Variants in TBC1D22A observed in about 807,000 individuals in gnomAD.
TBC1D22A encodes putative GTPase activator.
In TBC1D22A, 38 loss-of-function variants were observed where a neutral mutation model predicts 60.2. The ratio of observed to expected loss-of-function variants is 0.63; its 90% CI spans 0.49 to 0.83. TBC1D22A has a LOEUF of 0.83. TBC1D22A is among the 40% of genes least tolerant of loss of function. The pLI is 0.00. For missense variants in TBC1D22A, 628 were observed against 701.0 expected (o/e 0.90, Z 1.18); for synonymous variants, 302 against 281.7 (o/e 1.07, Z -0.72).
intron 11 of TBC1D22A, among the ~76,000 whole-genome samples, chr22:47,062,504 C>T (rs1482465409): frequency 6.6e-6 from 1 of 152,164 alleles, no homozygotes; most frequent in Non-Finnish European, 1.5e-5. Flanking sequence ...TTCCAGAATA[C>T]GGTGCATGGT....
chr22:46,931,096 C>T (rs1019111661), intron 8 of TBC1D22A, among the ~76,000 whole-genome samples: 2 of 152,182 alleles, frequency 1.3e-5, no homozygotes, highest in African/African-American at 4.8e-5. Flanking sequence ...TTGGAAGTCG[C>T]TGTCTCAGAG....
chr22:46,831,148 C>A (rs1431156887), intron 4 of TBC1D22A, among the ~76,000 whole-genome samples: 10 of 152,118 alleles, frequency 6.6e-5, no homozygotes, highest in Non-Finnish European at 1.5e-5. Context: ...ACGAAATCAC[C>A]CAGTGGGCTC....
In TBC1D22A at chr22:47,127,229, CTT is replaced by C. The variant is rs66495419; in HGVS notation, c.1425+15641_1425+15642del. On this transcript the variant is annotated intron_variant, in intron 12 of 12. Coordinates refer to ENST00000337137, the MANE Select transcript of TBC1D22A (RefSeq NM_014346.5). Reference sequence around the variant, plus strand: ...TCTTTATCTTTTTTTTTCTTTTTCTCTTTTTTTTTTTTTTTTGAGACAGAGTC... The same window carrying C: ...TCTTTATCTTTTTTTTTCTTTTTCTCTTTTTTTTTTTTTTGAGACAGAGTC... 1.0e-3 allele frequency among the ~76,000 whole-genome samples: 107 copies of C among 105,484 alleles called. No homozygotes were observed. In the South Asian group the frequency reaches 0.014, roughly 14 times the overall value. The allele number at this position is 105,484 out of a possible 152,430, so 69.2% of individuals were successfully genotyped here.
At chr22:47,076,198 G>A (rs746784478) in intron 11 of TBC1D22A, among the ~76,000 whole-genome samples, 5 of 151,866 alleles carry the variant, frequency 3.3e-5, no homozygotes, top group African/African-American at 9.7e-5. Context: ...TTAATTGAAC[G>A]GTTGTATATA....
intron 1 of TBC1D22A, chr22:46,768,100 C>G (rs2083347616): frequency 6.5e-6 from 1 of 152,800 alleles, no homozygotes; most frequent in South Asian, 2.1e-4. Flanking sequence ...ACCAGGAGGC[C>G]AGGGTGCCGC....
At chr22:47,156,691 C>T (rs549776868) in intron 12 of TBC1D22A, among the ~76,000 whole-genome samples, 6 of 152,160 alleles carry the variant, frequency 3.9e-5, no homozygotes, top group Non-Finnish European at 1.5e-5. Flanking sequence ...CCTCTCTACC[C>T]TCACAGCACA....
At chr22:46,886,319 C>G (rs1038048246) in intron 5 of TBC1D22A, among the ~76,000 whole-genome samples, 1 of 152,226 alleles carries the variant, frequency 6.6e-6, no homozygotes, top group African/African-American at 2.4e-5. Flanking sequence ...CACGAGGACT[C>G]TGAGTGTCCC....
At chr22:46,840,217 G>A (rs1298120732) in intron 4 of TBC1D22A, among the ~76,000 whole-genome samples, 1 of 152,108 alleles carries the variant, frequency 6.6e-6, no homozygotes, top group African/African-American at 2.4e-5. Flanking sequence ...GTAAATGTCT[G>A]AAATATATAA....
intron 1 of TBC1D22A, among the ~76,000 whole-genome samples, chr22:46,767,010 T>A (rs1224337896): frequency 6.6e-6 from 1 of 152,210 alleles, no homozygotes; most frequent in Non-Finnish European, 1.5e-5. Flanking sequence ...TACCGATACC[T>A]GGTGTTTATT....
At chr22:47,078,221 CAG>C (rs2064308879) in intron 11 of TBC1D22A, among the ~76,000 whole-genome samples, 1 of 152,206 alleles carries the variant, frequency 6.6e-6, no homozygotes, top group Non-Finnish European at 1.5e-5. Context: ...TGGAGAGAAA[CAG>C]GGAGAAGCCT....
At chr22:46,891,482 T>G (rs1298908647) in intron 6 of TBC1D22A, 88 bp downstream of exon 6, 8 of 1,436,794 alleles carry the variant, frequency 5.6e-6, no homozygotes, top group Non-Finnish European at 6.5e-6. Context: ...CAAAACCATG[T>G]GGAGTTGGTC....
chr22:47,145,540 G>A (rs757673713), intron 12 of TBC1D22A, among the ~76,000 whole-genome samples: 2 of 152,212 alleles, frequency 1.3e-5, no homozygotes, highest in Non-Finnish European at 2.9e-5. Flanking sequence ...TATTACAAAA[G>A]CATCGTCATA....
intron 10 of TBC1D22A, among the ~76,000 whole-genome samples, chr22:47,033,503 G>A (rs777810993): frequency 1.4e-4 from 21 of 152,254 alleles, no homozygotes; most frequent in Non-Finnish European, 2.9e-4. Context: ...TGTGTACTGG[G>A]GGCCGGGGAA....
Position 46,913,357 on chromosome 22 carries a change from C to T in TBC1D22A, c.1015+1169C>T, listed in dbSNP as rs751056360. ...AGCCTTTCCAGGTTGTGGTCGGCCTCAGATTCCCATCCTTGCTGTGATCTG... is the reference window on the plus strand; with the variant it reads ...AGCCTTTCCAGGTTGTGGTCGGCCTTAGATTCCCATCCTTGCTGTGATCTG... On this transcript the variant is annotated intron_variant, in intron 8 of 12. Coordinates refer to ENST00000337137, the MANE Select transcript of TBC1D22A (RefSeq NM_014346.5). 2.9e-6 allele frequency: 4 copies of T among 1,366,512 alleles called. No homozygotes were observed. The South Asian group carries it at 3.4e-5, about 12-fold the overall frequency. The allele number at this position is 1,366,512 out of a possible 1,614,324, so 84.6% of individuals were successfully genotyped here.
At chr22:47,067,172 A>G (rs572474534) in intron 11 of TBC1D22A, among the ~76,000 whole-genome samples, 131 of 152,252 alleles carry the variant, frequency 8.6e-4, no homozygotes, top group African/African-American at 3.0e-3. Context: ...AGGCTGAGGC[A>G]CGAGAATCAC....
intron 12 of TBC1D22A, among the ~76,000 whole-genome samples, chr22:47,112,488 TC>T (rs1476946121): frequency 6.6e-6 from 1 of 152,136 alleles, no homozygotes; most frequent in East Asian, 1.9e-4. Flanking sequence ...AGCCTGTTGT[TC>T]CCCAGCTCTG....
intron 8 of TBC1D22A, among the ~76,000 whole-genome samples, chr22:46,919,258 G>A (rs1250619444): frequency 1.3e-5 from 2 of 152,150 alleles, no homozygotes; most frequent in African/African-American, 4.8e-5. Flanking sequence ...GAATTACATG[G>A]TGCGTGGCCC....
At position 47,127,394 on chromosome 22, in the gene TBC1D22A, A is replaced by ATTT. The variant is rs11387235; in HGVS notation, c.1425+15807_1425+15809dup. Among the ~76,000 whole-genome samples the ATTT allele has an allele frequency of 3.8e-4, 46 of 122,476 alleles. 1 individual carries two copies. The highest frequency in any genetic ancestry group is 1.1e-3 in the African/African-American group (35 of 31,842). 80.3% of individuals were successfully genotyped at this position (122,476 alleles called of 152,430 possible). ...AGGTGTGTGCTACCACGCCCAGCTG[A>ATTT]TTTTTTTTTTTTTTTTTTGTATTTT... On this transcript the variant is annotated intron_variant, in intron 12 of 12. Transcript: ENST00000337137.
chr22:46,829,869 T>C (rs2086234735), intron 4 of TBC1D22A, among the ~76,000 whole-genome samples: 1 of 152,144 alleles, frequency 6.6e-6, no homozygotes, highest in Admixed American at 6.5e-5. Context: ...GAACTGTGTG[T>C]GTTGATATTT....
Sources: allele counts gnomAD v4.1 joint callset (sites outside exome capture counted in the v4.1 genomes callset), GRCh38; gene constraint gnomAD v4.1.1; transcripts MANE v1.5; gene names NCBI Gene and HGNC (gene_info 2026-07-23, HGNC 2026-07-21).